PHLPP2: variants seen among roughly 807,000 people sequenced by gnomAD.
PHLPP2 encodes the protein PH domain leucine-rich repeat-containing protein phosphatase 2.
A neutral mutation model predicts 124.9 loss-of-function variants in PHLPP2; 66 were observed. The observed-to-expected ratio is 0.53, with a 90% CI of 0.43 to 0.65. The LOEUF is 0.65. Among genes scored for constraint, PHLPP2 ranks in the 30% least tolerant of loss-of-function variants. The pLI, the probability that PHLPP2 is intolerant of heterozygous loss-of-function variation, is 0.00. For missense variants in PHLPP2, 1,685 were observed against 1,600.4 expected (o/e 1.05, Z -0.90); for synonymous variants, 681 against 624.7 (o/e 1.09, Z -1.34).
In PHLPP2 at chr16:71,662,497, T is replaced by C. The variant is rs140221951; in HGVS notation, c.1985+1402A>G. ...CCTGTAGTCCCATCTCCTTGGAAGG[T>C]TGAGGCAGGAGAATCACCTGAACTC... On this transcript the variant is annotated intron_variant, in intron 13 of 18. Transcript: ENST00000568954. Among the ~76,000 whole-genome samples the C allele has an allele frequency of 2.2e-4, 33 of 151,954 alleles. No individual in the cohort carries two copies. The East Asian group carries it at 6.0e-3, about 28-fold the overall frequency.
rs566393820 is a variant in PHLPP2, at chr16:71,699,183, A to T, written c.418+3415T>A. Among the ~76,000 whole-genome samples, 5 of 152,276 alleles carry T rather than the reference A, an allele frequency of 3.3e-5. No individual in the cohort carries two copies. In the South Asian group the frequency reaches 1.0e-3, roughly 32 times the overall value. ...TTTTGATAGAGACAGGAGGCAGAGA[A>T]ATTCTAGGCAGACAGGGACAGGTGC... On this transcript the variant is annotated intron_variant, in intron 3 of 18. Transcript: ENST00000568954.
intron 2 of PHLPP2, 149 bp downstream of exon 2, chr16:71,714,363 T>A (rs2045343402): frequency 9.6e-7 from 1 of 1,038,316 alleles, no homozygotes; most frequent in Admixed American, 3.4e-5. Context: ...ATTCATAAAG[T>A]CAGCCTTCCA....
Position 71,669,364 on chromosome 16 carries a change from C to A in PHLPP2, c.1539G>T (p.Leu513=). The change falls in exon 11 of 19, where the codon CTG becomes CTT. Residue 513 remains leucine, a synonymous_variant. Coordinates refer to ENST00000568954, the MANE Select transcript of PHLPP2 (RefSeq NM_015020.3). ...LLTFLDLSRN[L]LECVPDWACE... ...AGGCCCAGTCAGGGACACACTCTAG[C>A]AGGTTTCTGCAGAAAATAAATAATT... 1 of 1,605,288 alleles carries A rather than the reference C, an allele frequency of 6.2e-7. No individual in the cohort carries two copies. The highest frequency in any genetic ancestry group is 8.5e-7 in the Non-Finnish European group (1 of 1,174,688).
chr16:71,667,826 C>G (rs944117456), intron 11 of PHLPP2, among the ~76,000 whole-genome samples: 10 of 152,174 alleles, frequency 6.6e-5, no homozygotes, highest in African/African-American at 2.4e-4. Flanking sequence ...ATGGTAAAGT[C>G]TGGACTTGAA....
chr16:71,659,786 G>A (rs1013457524), intron 13 of PHLPP2, among the ~76,000 whole-genome samples: 24 of 152,030 alleles, frequency 1.6e-4, no homozygotes, highest in African/African-American at 5.8e-4. Context: ...TGATTTATTG[G>A]TTTAAAAATT....
intron 1 of PHLPP2, among the ~76,000 whole-genome samples, chr16:71,718,567 A>G (rs2045378444): frequency 6.6e-6 from 1 of 150,688 alleles, no homozygotes; most frequent in African/African-American, 2.4e-5. Flanking sequence ...GTGACAGTGC[A>G]AGACTCTATC....
At chr16:71,710,457 G>A (rs556099631) in intron 2 of PHLPP2, among the ~76,000 whole-genome samples, 2 of 152,272 alleles carry the variant, frequency 1.3e-5, no homozygotes, top group South Asian at 4.1e-4. Context: ...CCCATTTCCA[G>A]GACCTAGCCT....
At chr16:71,669,221 C>T (rs1024318650) in intron 11 of PHLPP2, 54 bp downstream of exon 11, 9 of 1,242,564 alleles carry the variant, frequency 7.2e-6, no homozygotes, top group South Asian at 5.0e-5. Flanking sequence ...AATTTAAATA[C>T]GCACACACGT....
chr16:71,691,250 C>T lies in PHLPP2; in HGVS notation c.419-541G>A, dbSNP rs188393692. 4.9e-3 allele frequency among the ~76,000 whole-genome samples: 744 copies of T among 152,120 alleles called. 17 individuals carry two copies. Among genetic ancestry groups the T allele is most frequent in the South Asian group, 2.1e-3 (10 of 4,820 alleles). On this transcript the variant is annotated intron_variant, in intron 3 of 18. Transcript: ENST00000568954. Reference sequence around the variant, plus strand: ...CGGGCATATCACAAGGTCAGGAGATCGAGACCATCCTGGCTAGCACGGTGA... The same window carrying T: ...CGGGCATATCACAAGGTCAGGAGATTGAGACCATCCTGGCTAGCACGGTGA...
chr16:71,679,689 C>T (rs2044979135), intron 6 of PHLPP2, among the ~76,000 whole-genome samples, 154 bp from the exon 7 acceptor site: 1 of 152,194 alleles, frequency 6.6e-6, no homozygotes, highest in East Asian at 1.9e-4. Flanking sequence ...ATATCAAACA[C>T]TGAGTGGGGA....
chr16:71,653,161 A>C, intron 17 of PHLPP2, 140 bp from the exon 18 acceptor site: 2 of 602,916 alleles, frequency 3.3e-6, no homozygotes, highest in Non-Finnish European at 5.8e-6. Flanking sequence ...ATCCACCTAA[A>C]TGCAGACTTG....
At chr16:71,674,226 C>T (rs924256706) in intron 9 of PHLPP2, among the ~76,000 whole-genome samples, 50 of 152,058 alleles carry the variant, frequency 3.3e-4, no homozygotes, top group Admixed American at 2.6e-4. Flanking sequence ...TACAGGCACG[C>T]GCCACCATGC....
chr16:71,658,494 C>T, intron 14 of PHLPP2, 131 bp from the exon 15 acceptor site: 1 of 1,191,346 alleles, frequency 8.4e-7, no homozygotes, highest in Non-Finnish European at 1.2e-6. Context: ...TACATAAATT[C>T]TGGTCCCAAA....
intron 8 of PHLPP2, chr16:71,676,961 C>T (rs1256066239): frequency 9.2e-6 from 3 of 325,056 alleles, no homozygotes; most frequent in East Asian, 1.7e-4. Context: ...GTTGGCCAGG[C>T]TTGAACTCCT....
chr16:71,645,161 C>A lies in PHLPP2; in HGVS notation c.*3729G>T. On this transcript the variant is annotated 3_prime_UTR_variant, in exon 19 of 19. Coordinates refer to ENST00000568954, the MANE Select transcript of PHLPP2 (RefSeq NM_015020.3). ...CTGTCTGGATGACATCCACTGGCAA[C>A]AGTGAGAGAAAACCCTATAGCATCT... The A allele has an allele frequency of 5.6e-6, 1 of 178,690 alleles. No individual in the cohort carries two copies. The highest frequency in any genetic ancestry group is 1.2e-5 in the Non-Finnish European group (1 of 84,766). The allele number at this position is 178,690 out of a possible 1,614,324, so 11.1% of individuals were successfully genotyped here.
intron 3 of PHLPP2, among the ~76,000 whole-genome samples, chr16:71,693,572 C>A (rs1410304583): frequency 1.3e-5 from 2 of 152,198 alleles, no homozygotes; most frequent in Non-Finnish European, 2.9e-5. Flanking sequence ...TGGCACCAGA[C>A]TGATCTTCCC....
intron 5 of PHLPP2, 61 bp from the exon 6 acceptor site, chr16:71,681,966 A>G (rs1387831644): frequency 4.1e-6 from 5 of 1,230,592 alleles, no homozygotes; most frequent in Non-Finnish European, 5.5e-6. Context: ...CACCCAGCAA[A>G]GAATGGAATG....
intron 13 of PHLPP2, 116 bp from the exon 14 acceptor site, chr16:71,658,931 CTG>C: frequency 1.2e-6 from 1 of 865,582 alleles, no homozygotes; most frequent in Non-Finnish European, 1.8e-6. Flanking sequence ...TGCCAGATGA[CTG>C]GTGAGAAATG....
intron 2 of PHLPP2, among the ~76,000 whole-genome samples, chr16:71,705,667 A>T (rs2045268545): frequency 6.6e-6 from 1 of 152,080 alleles, no homozygotes; most frequent in Non-Finnish European, 1.5e-5. Flanking sequence ...CCACGCCACC[A>T]TGCCCAGCTA....
Sources: gnomAD v4.1 joint callset for allele counts (sites outside exome capture counted in the v4.1 genomes callset) on GRCh38, gnomAD v4.1.1 for gene constraint, MANE v1.5 for transcripts, NCBI Gene and HGNC (gene_info 2026-07-23, HGNC 2026-07-21) for gene names.